ALK: variants seen among roughly 807,000 people sequenced by gnomAD.
ALK encodes the protein ALK receptor tyrosine kinase.
Under a neutral mutation model 163.1 loss-of-function variants are expected in ALK, and 74 were observed. The ratio of observed to expected loss-of-function variants is 0.45; its 90% confidence interval spans 0.38 to 0.55. The LOEUF (loss-of-function observed/expected upper bound fraction) is 0.55. Ranked by LOEUF, ALK falls within the 20% of genes least tolerant of loss-of-function variation. The probability of loss-of-function intolerance (pLI) is 0.00; values close to 1 mark genes in which losing one functional copy is unlikely to be tolerated. For synonymous variants in ALK, 960 were observed against 843.2 expected, an observed-to-expected ratio of 1.14 and a Z score of -2.40; for missense variants, 2,063 against 2,105.3, an observed-to-expected ratio of 0.98 and a Z score of 0.39.
chr2:29,384,402 T>G (rs1031271313), intron 4 of ALK, among the ~76,000 whole-genome samples: 1 of 152,188 alleles, frequency 6.6e-6, no homozygotes, highest in African/African-American at 2.4e-5. Context: ...AAGCATGTAT[T>G]TTGGGGTAAA....
intron 1 of ALK, among the ~76,000 whole-genome samples, chr2:29,776,853 T>C (rs1681190997): frequency 6.6e-6 from 1 of 152,112 alleles, no homozygotes; most frequent in South Asian, 2.1e-4. Context: ...CCCCAAGTCT[T>C]AGTTCACGTC....
intron 5 of ALK, among the ~76,000 whole-genome samples, chr2:29,365,134 A>G (rs1668471608): frequency 6.6e-6 from 1 of 152,208 alleles, no homozygotes; most frequent in Non-Finnish European, 1.5e-5. Context: ...TTTACCATCT[A>G]GATTAGCAGG....
chr2:29,565,110 G>T (rs1674141867), intron 3 of ALK, among the ~76,000 whole-genome samples: 2 of 152,220 alleles, frequency 1.3e-5, no homozygotes, highest in Non-Finnish European at 2.9e-5. Flanking sequence ...ACAACTCTAG[G>T]TGACAACGTG....
At chr2:29,279,929 C>G (rs1665663554) in intron 9 of ALK, among the ~76,000 whole-genome samples, 1 of 151,972 alleles carries the variant, frequency 6.6e-6, no homozygotes, top group Admixed American at 6.5e-5. Flanking sequence ...AGGGAAAGTT[C>G]TGGTATGTAT....
At chr2:29,207,948 G>A in intron 25 of ALK, 2 of 419,768 alleles carry the variant, frequency 4.8e-6, no homozygotes, top group East Asian at 1.5e-4. Context: ...GTGTTCTCCT[G>A]TGTGAGTGTG....
chr2:29,275,932 T>A (rs1232436852), intron 9 of ALK, among the ~76,000 whole-genome samples: 1 of 152,202 alleles, frequency 6.6e-6, no homozygotes, highest in African/African-American at 2.4e-5. Flanking sequence ...TTGGGTGAAC[T>A]GAACAGGAGA....
At chr2:29,358,528 C>T (rs1173373238) in intron 5 of ALK, among the ~76,000 whole-genome samples, 1 of 152,182 alleles carries the variant, frequency 6.6e-6, no homozygotes, top group Non-Finnish European at 1.5e-5. Context: ...CAGCATGTGG[C>T]CCCCAGGAAG....
intron 1 of ALK, among the ~76,000 whole-genome samples, chr2:29,914,104 A>G (rs1173898168): frequency 6.6e-6 from 1 of 152,208 alleles, no homozygotes; most frequent in East Asian, 1.9e-4. Context: ...TGGATTGCGA[A>G]TATGCTGGTG....
intron 5 of ALK, among the ~76,000 whole-genome samples, chr2:29,369,957 G>T (rs991645162): frequency 1.3e-5 from 2 of 152,200 alleles, no homozygotes; most frequent in Non-Finnish European, 2.9e-5. Context: ...GGCAGGGGAT[G>T]GACAAGAAGA....
At chr2:29,576,336 C>G (rs1368899688) in intron 3 of ALK, among the ~76,000 whole-genome samples, 1 of 152,236 alleles carries the variant, frequency 6.6e-6, no homozygotes. Context: ...CCTGCCTCCT[C>G]TAGGGCCATG....
At chr2:29,788,138 C>T (rs907531823) in intron 1 of ALK, among the ~76,000 whole-genome samples, 6 of 152,208 alleles carry the variant, frequency 3.9e-5, no homozygotes, top group African/African-American at 1.4e-4. Flanking sequence ...GGACAACAAA[C>T]GAACTTGTCT....
chr2:29,245,187 C>A (rs73920750), intron 12 of ALK, among the ~76,000 whole-genome samples: 8,869 of 143,664 alleles, frequency 0.062, 838 homozygotes, highest in African/African-American at 0.22. Flanking sequence ...GCCCTGCACA[C>A]AGTAGGGGCT....
chr2:29,547,675 G>A (rs577351212), intron 3 of ALK, among the ~76,000 whole-genome samples: 1 of 152,294 alleles, frequency 6.6e-6, no homozygotes, highest in South Asian at 2.1e-4. Flanking sequence ...GGATTTCATA[G>A]GCTGGCTCAC....
At chr2:29,691,369 G>A (rs1386023130) in intron 3 of ALK, among the ~76,000 whole-genome samples, 1 of 152,124 alleles carries the variant, frequency 6.6e-6, no homozygotes, top group Non-Finnish European at 1.5e-5. Flanking sequence ...ATGTTTGGAT[G>A]TGTCCATTCA....
chr2:29,444,367 C>T (rs1198574587), intron 4 of ALK, among the ~76,000 whole-genome samples: 1 of 144,256 alleles, frequency 6.9e-6, no homozygotes, highest in East Asian at 1.9e-4. Context: ...AAGGACCTGC[C>T]CCGTGGGTGC....
Position 29,854,956 on chromosome 2 carries a change from C to G in ALK, c.667+65037G>C, listed in dbSNP as rs1005383075. On this transcript the variant is annotated intron_variant, in intron 1 of 28. Coordinates refer to ENST00000389048, the MANE Select transcript of ALK (RefSeq NM_004304.5). ...TTAACATGAGATCTACCCTCTCTTT[C>G]TTTTTCTTGAAATTTACCCTCTTGA... Among the ~76,000 whole-genome samples, 4 of 152,166 alleles carry G rather than the reference C, an allele frequency of 2.6e-5. No homozygotes were observed. In the Middle Eastern group the frequency reaches 0.01, roughly 388 times the overall value.
intron 1 of ALK, among the ~76,000 whole-genome samples, chr2:29,846,011 T>C (rs538772853): frequency 1.1e-4 from 16 of 152,364 alleles, no homozygotes; most frequent in African/African-American, 3.4e-4. Flanking sequence ...GTCTATATCA[T>C]ATAGTGCTAT....
rs144938164 is a variant in ALK, at chr2:29,371,153, G to A, written c.1282+12579C>T. Among the ~76,000 whole-genome samples the A allele has an allele frequency of 6.3e-4, 96 of 152,294 alleles. No homozygotes were observed. In the Middle Eastern group the frequency reaches 0.01, roughly 16 times the overall value. ...TGTGCATTGAGGGGCCTTCTGGGCCGCTGCCCAGCAACTGTCTGCCAATGT... is the reference window on the plus strand; with the variant it reads ...TGTGCATTGAGGGGCCTTCTGGGCCACTGCCCAGCAACTGTCTGCCAATGT... On this transcript the variant is annotated intron_variant, in intron 5 of 28. Coordinates refer to ENST00000389048, the MANE Select transcript of ALK (RefSeq NM_004304.5).
chr2:29,496,203 G>A (rs902258377), intron 4 of ALK, among the ~76,000 whole-genome samples: 10 of 152,186 alleles, frequency 6.6e-5, no homozygotes, highest in Non-Finnish European at 1.3e-4. Context: ...ATATCTGAAT[G>A]TAGGATAGCA....
Sources: allele counts gnomAD v4.1 joint callset (sites outside exome capture counted in the v4.1 genomes callset), GRCh38; gene constraint gnomAD v4.1.1; transcripts MANE v1.5; gene names NCBI Gene and HGNC (gene_info 2026-07-23, HGNC 2026-07-21).